Variants in CPPED1 observed in about 807,000 individuals in gnomAD.
CPPED1 encodes the protein serine/threonine-protein phosphatase CPPED1.
Under a neutral mutation model 28.0 loss-of-function variants are expected in CPPED1, and 28 were observed. The observed-to-expected ratio is 1.00, with a 90% CI of 0.74 to 1.37. The LOEUF is 1.37. Among genes scored for constraint, CPPED1 ranks in the 40% most tolerant of loss-of-function variants. The pLI, the probability that CPPED1 is intolerant of heterozygous loss-of-function variation, is 0.00. For missense variants in CPPED1, 504 were observed against 416.5 expected (o/e 1.21, Z -1.83); for synonymous variants, 198 against 180.2 (o/e 1.10, Z -0.79).
At chr16:12,760,787 A>C (rs925211390) in intron 2 of CPPED1, 2 of 152,206 alleles carry the variant, frequency 1.3e-5, no homozygotes, top group African/African-American at 4.8e-5. Flanking sequence ...AACAAAGAGA[A>C]GCAATTCCCA....
At chr16:12,745,029 G>A (rs1343098932) in intron 2 of CPPED1, among the ~76,000 whole-genome samples, 2 of 151,900 alleles carry the variant, frequency 1.3e-5, no homozygotes, top group Non-Finnish European at 2.9e-5. Context: ...CACTACAAAA[G>A]GAAAGATCAA....
At chr16:12,730,722 T>G (rs2080192797) in intron 2 of CPPED1, among the ~76,000 whole-genome samples, 3 of 152,208 alleles carry the variant, frequency 2.0e-5, no homozygotes, top group African/African-American at 7.2e-5. Flanking sequence ...TTCATTTTTA[T>G]GAAGCTCAAG....
At chr16:12,718,356 T>C (rs1167184964) in intron 2 of CPPED1, among the ~76,000 whole-genome samples, 1 of 152,034 alleles carries the variant, frequency 6.6e-6, no homozygotes, top group Non-Finnish European at 1.5e-5. Context: ...TTGGCCAACA[T>C]GGTGAAACCT....
chr16:12,794,798 T>A (rs953755721), intron 1 of CPPED1, among the ~76,000 whole-genome samples: 3 of 152,178 alleles, frequency 2.0e-5, no homozygotes, highest in African/African-American at 7.2e-5. Context: ...CCTAAATGCA[T>A]CCAAAAGGCA....
Position 12,796,727 on chromosome 16 carries a change from C to G in CPPED1, c.70+6980G>C, listed in dbSNP as rs1374714453. On this transcript the variant is annotated intron_variant, in intron 1 of 3. Transcript: ENST00000381774. Reference sequence around the variant, plus strand: ...ACTCAGCAATTCCAATCCTAGGTATCTACCCAAAAGATATGAGAACAAATA... The same window carrying G: ...ACTCAGCAATTCCAATCCTAGGTATGTACCCAAAAGATATGAGAACAAATA... Among the ~76,000 whole-genome samples, 2 of 152,058 alleles carry G rather than the reference C, an allele frequency of 1.3e-5. 1 individual carries two copies. Among genetic ancestry groups the G allele is most frequent in the Non-Finnish European group, 2.9e-5 (2 of 68,016 alleles).
At chr16:12,738,129 A>T (rs1329588432) in intron 2 of CPPED1, among the ~76,000 whole-genome samples, 1 of 152,198 alleles carries the variant, frequency 6.6e-6, no homozygotes, top group Non-Finnish European at 1.5e-5. Flanking sequence ...AATGTGCATC[A>T]CGAGAAGAGC....
At position 12,681,409 on chromosome 16, in the gene CPPED1, G is replaced by A. The variant is rs969468213; in HGVS notation, c.716-16294C>T. On this transcript the variant is annotated intron_variant, in intron 3 of 3. Coordinates refer to ENST00000381774, the MANE Select transcript of CPPED1 (RefSeq NM_018340.3). ...CACCAGATACAGCCCCTTGACCTTG[G>A]ACTTCCCAACCCCCAGAACTGTAAA... Among the ~76,000 whole-genome samples the A allele has an allele frequency of 2.6e-5, 4 of 152,032 alleles. No individual in the cohort carries two copies. The East Asian group carries it at 7.7e-4, about 29-fold the overall frequency.
chr16:12,788,699 G>A (rs1230024015), intron 1 of CPPED1, among the ~76,000 whole-genome samples: 1 of 152,202 alleles, frequency 6.6e-6, no homozygotes, highest in East Asian at 1.9e-4. Flanking sequence ...ATGGCCTGGA[G>A]TGGTGAGAGC....
intron 2 of CPPED1, among the ~76,000 whole-genome samples, chr16:12,754,554 C>T (rs1408373882): frequency 6.6e-6 from 1 of 152,200 alleles, no homozygotes; most frequent in African/African-American, 2.4e-5. Context: ...ACAAAAGCAT[C>T]CAGTGCAGAG....
chr16:12,778,379 G>A (rs1222085892), intron 2 of CPPED1, among the ~76,000 whole-genome samples: 6 of 149,180 alleles, frequency 4.0e-5, no homozygotes, highest in Non-Finnish European at 5.9e-5. Context: ...GGGTTCAAGC[G>A]ATTCTCCTGC....
At position 12,689,217 on chromosome 16, in the gene CPPED1, C is replaced by CTTTTT. The variant is rs869107040; in HGVS notation, c.715+15402_715+15406dup. On this transcript the variant is annotated intron_variant, in intron 3 of 3. Transcript: ENST00000381774. ...TATGATCAGCTATATGAAAAGAGGG[C>CTTTTT]TTTTTTTTTTTTTTTTTTTTTTTTA... Among the ~76,000 whole-genome samples, 8 of 83,584 alleles carry CTTTTT rather than the reference C, an allele frequency of 9.6e-5. 1 individual carries two copies. The highest frequency in any genetic ancestry group is 1.3e-4 in the Non-Finnish European group (6 of 45,112). The allele number at this position is 83,584 out of a possible 152,430, so 54.8% of individuals were successfully genotyped here.
At chr16:12,775,325 T>C (rs369716575) in intron 2 of CPPED1, among the ~76,000 whole-genome samples, 19 of 152,330 alleles carry the variant, frequency 1.2e-4, no homozygotes, top group African/African-American at 3.8e-4. Flanking sequence ...CAGTTCCAGA[T>C]ATTCCATTAT....
intron 3 of CPPED1, among the ~76,000 whole-genome samples, chr16:12,686,096 G>T (rs2079931425): frequency 6.6e-6 from 1 of 152,240 alleles, no homozygotes; most frequent in African/African-American, 2.4e-5. Context: ...CTGGGGTGAT[G>T]GGAGTTTCCT....
chr16:12,789,950 C>T (rs918441881), intron 1 of CPPED1, among the ~76,000 whole-genome samples: 1 of 152,208 alleles, frequency 6.6e-6, no homozygotes, highest in Non-Finnish European at 1.5e-5. Flanking sequence ...GCCACTTCCA[C>T]ATTTCGGCTA....
At chr16:12,739,640 A>T (rs902500955) in intron 2 of CPPED1, among the ~76,000 whole-genome samples, 2 of 152,254 alleles carry the variant, frequency 1.3e-5, no homozygotes, top group Non-Finnish European at 1.5e-5. Flanking sequence ...GCAGATTGCT[A>T]CGAGTAGGCT....
chr16:12,786,950 G>A (rs1172280922), intron 1 of CPPED1, among the ~76,000 whole-genome samples: 1 of 152,126 alleles, frequency 6.6e-6, no homozygotes, highest in Admixed American at 6.5e-5. Flanking sequence ...TTACTAATTA[G>A]TATGTTCTAA....
At chr16:12,740,163 T>C (rs2080247367) in intron 2 of CPPED1, among the ~76,000 whole-genome samples, 1 of 152,132 alleles carries the variant, frequency 6.6e-6, no homozygotes, top group Non-Finnish European at 1.5e-5. Context: ...AGATACTTTT[T>C]AGGCCGGGCG....
intron 3 of CPPED1, 112 bp downstream of exon 3, chr16:12,704,512 G>T (rs2080037227): frequency 8.7e-7 from 1 of 1,153,652 alleles, no homozygotes; most frequent in Non-Finnish European, 1.2e-6. Flanking sequence ...AGAACTCCCG[G>T]CCTAGTCCTC....
chr16:12,685,065 C>T lies in CPPED1; in HGVS notation c.715+19559G>A, dbSNP rs543712770. 3.2e-4 allele frequency among the ~76,000 whole-genome samples: 48 copies of T among 152,300 alleles called. 1 individual carries two copies. Among genetic ancestry groups the T allele is most frequent in the African/African-American group, 9.1e-4 (38 of 41,566 alleles). ...AAACTGGAGACAGTGGAACGAGCACCGACTCTGGATCCTGTCTGTTACTTA... is the reference window on the plus strand; with the variant it reads ...AAACTGGAGACAGTGGAACGAGCACTGACTCTGGATCCTGTCTGTTACTTA... On this transcript the variant is annotated intron_variant, in intron 3 of 3. Transcript: ENST00000381774.
Sources: gnomAD v4.1 joint callset for allele counts (sites outside exome capture counted in the v4.1 genomes callset) on GRCh38, gnomAD v4.1.1 for gene constraint, MANE v1.5 for transcripts, NCBI Gene and HGNC (gene_info 2026-07-23, HGNC 2026-07-21) for gene names.